NAALADL2: variants seen among roughly 807,000 people sequenced by gnomAD.
NAALADL2 encodes inactive N-acetylated-alpha-linked acidic dipeptidase-like protein 2.
Under a neutral mutation model 87.2 loss-of-function variants are expected in NAALADL2, and 76 were observed. The ratio of observed to expected loss-of-function variants is 0.87; its 90% CI spans 0.72 to 1.05. The LOEUF (loss-of-function observed/expected upper bound fraction) is 1.05. Ranked by LOEUF, NAALADL2 falls within the 50% of genes least tolerant of loss-of-function variation. The pLI is 0.00. For synonymous variants in NAALADL2, 354 were observed against 331.0 expected (o/e 1.07, Z -0.75); for missense variants, 1,089 against 945.8 (o/e 1.15, Z -1.99).
intron 11 of NAALADL2, among the ~76,000 whole-genome samples, chr3:175,706,481 CT>C (rs1462933707): frequency 6.6e-6 from 1 of 152,110 alleles, no homozygotes; most frequent in African/African-American, 2.4e-5. Context: ...TAATCTCTGT[CT>C]TTCTCTCAAA....
intron 3 of NAALADL2, among the ~76,000 whole-genome samples, chr3:174,813,783 A>G (rs1192880776): frequency 1.3e-5 from 2 of 152,060 alleles, no homozygotes; most frequent in Admixed American, 6.6e-5. Flanking sequence ...TCCTGAATCA[A>G]CCTCTTAAGT....
At chr3:175,223,020 A>G (rs1320545273) in intron 2 of NAALADL2, among the ~76,000 whole-genome samples, 1 of 151,738 alleles carries the variant, frequency 6.6e-6, no homozygotes, top group Non-Finnish European at 1.5e-5. Flanking sequence ...CAACATAATG[A>G]TTTCATATAT....
chr3:174,581,686 C>T (rs1344502960), intron 2 of NAALADL2, among the ~76,000 whole-genome samples: 1 of 152,144 alleles, frequency 6.6e-6, no homozygotes, highest in Non-Finnish European at 1.5e-5. Context: ...TCTCCTAATT[C>T]TCTTGCCAGG....
chr3:175,139,936 T>C (rs1323213345), intron 2 of NAALADL2, among the ~76,000 whole-genome samples: 1 of 151,956 alleles, frequency 6.6e-6, no homozygotes, highest in Non-Finnish European at 1.5e-5. Flanking sequence ...AATTGGGTGG[T>C]AAGGCAGTAG....
chr3:174,526,190 C>T (rs1022552421), intron 1 of NAALADL2, among the ~76,000 whole-genome samples: 16 of 152,282 alleles, frequency 1.1e-4, no homozygotes, highest in African/African-American at 3.4e-4. Context: ...CTCCCACTTT[C>T]GTTTCATCAT....
chr3:174,932,171 G>A (rs1238757795), intron 1 of NAALADL2, among the ~76,000 whole-genome samples: 1 of 152,180 alleles, frequency 6.6e-6, no homozygotes, highest in Admixed American at 6.5e-5. Context: ...CATAACTGCA[G>A]AGTAGAGCAT....
At chr3:175,464,249 A>G (rs1489479472) in intron 7 of NAALADL2, among the ~76,000 whole-genome samples, 1 of 151,906 alleles carries the variant, frequency 6.6e-6, no homozygotes, top group African/African-American at 2.4e-5. Flanking sequence ...CCATTGCCAA[A>G]TTTGTCAAAT....
chr3:174,549,533 T>A (rs1711855947), intron 1 of NAALADL2, among the ~76,000 whole-genome samples: 1 of 152,224 alleles, frequency 6.6e-6, no homozygotes, highest in Non-Finnish European at 1.5e-5. Context: ...ATTCAATAAT[T>A]GTAACTTACT....
At chr3:174,655,183 A>G (rs1220211122) in intron 2 of NAALADL2, among the ~76,000 whole-genome samples, 1 of 152,256 alleles carries the variant, frequency 6.6e-6, no homozygotes, top group Non-Finnish European at 1.5e-5. Flanking sequence ...GTAACTAACA[A>G]AGAGTAAATT....
intron 1 of NAALADL2, among the ~76,000 whole-genome samples, chr3:175,074,133 T>C (rs11929515): frequency 0.14 from 21,557 of 151,928 alleles, 1,878 homozygotes; most frequent in African/African-American, 0.24. Context: ...CAATAGCTGT[T>C]AAATTAATGA....
intron 5 of NAALADL2, among the ~76,000 whole-genome samples, chr3:175,324,785 G>A (rs1760476687): frequency 6.6e-6 from 1 of 152,126 alleles, no homozygotes; most frequent in Non-Finnish European, 1.5e-5. Flanking sequence ...GTAGAAGAAT[G>A]GATTTAATAT....
intron 5 of NAALADL2, among the ~76,000 whole-genome samples, chr3:175,424,019 A>G (rs1284808735): frequency 1.3e-5 from 2 of 152,214 alleles, no homozygotes; most frequent in Non-Finnish European, 2.9e-5. Flanking sequence ...ACGGCCAGTG[A>G]TGATGAGCAT....
intron 4 of NAALADL2, among the ~76,000 whole-genome samples, chr3:175,291,517 A>G (rs1198894258): frequency 6.6e-6 from 1 of 152,186 alleles, no homozygotes; most frequent in Admixed American, 6.5e-5. Context: ...ATACCTAGCC[A>G]TACCTGGGGT....
intron 10 of NAALADL2, among the ~76,000 whole-genome samples, chr3:175,623,420 C>A (rs1318333551): frequency 5.9e-5 from 9 of 152,062 alleles, no homozygotes; most frequent in Non-Finnish European, 1.5e-5. Context: ...AGCACTCTTC[C>A]AAGCTTTAGT....
intron 13 of NAALADL2, among the ~76,000 whole-genome samples, chr3:175,778,022 A>G (rs1750501439): frequency 6.6e-6 from 1 of 152,204 alleles, no homozygotes; most frequent in African/African-American, 2.4e-5. Flanking sequence ...GTATACCACT[A>G]CTATTGGCTG....
chr3:175,053,486 G>C (rs755619683), intron 1 of NAALADL2, among the ~76,000 whole-genome samples: 1 of 152,092 alleles, frequency 6.6e-6, no homozygotes. Context: ...TGCAACCAGG[G>C]GGTCCTCGAG....
At chr3:175,344,352 A>G (rs1350390134) in intron 5 of NAALADL2, among the ~76,000 whole-genome samples, 2 of 151,704 alleles carry the variant, frequency 1.3e-5, no homozygotes, top group Non-Finnish European at 2.9e-5. Context: ...CTTTTACACA[A>G]TATGGTAGAA....
chr3:174,688,503 G>A (rs1021081162), intron 2 of NAALADL2, among the ~76,000 whole-genome samples: 2 of 151,974 alleles, frequency 1.3e-5, no homozygotes, highest in Non-Finnish European at 2.9e-5. Context: ...CTTTAAATGA[G>A]TTAATATACA....
At chr3:175,390,262 C>T (rs1341777411) in intron 5 of NAALADL2, among the ~76,000 whole-genome samples, 4 of 152,114 alleles carry the variant, frequency 2.6e-5, no homozygotes, top group Admixed American at 2.6e-4. Context: ...ATTCCATGAT[C>T]ATTTTACTGT....
Sources: gnomAD v4.1 joint callset for allele counts (sites outside exome capture counted in the v4.1 genomes callset) on GRCh38, gnomAD v4.1.1 for gene constraint, MANE v1.5 for transcripts, NCBI Gene and HGNC (gene_info 2026-07-23, HGNC 2026-07-21) for gene names.